Variants in XRN1 observed in about 807,000 individuals in gnomAD.
The protein encoded by XRN1 is strand-exchange protein 1 homolog.
A neutral mutation model predicts 222.3 loss-of-function variants in XRN1; 67 were observed. That is an observed-to-expected ratio of 0.30 (90% confidence interval 0.25 to 0.37). The LOEUF (loss-of-function observed/expected upper bound fraction) is 0.37. XRN1 is among the 10% of genes least tolerant of loss of function. XRN1 has a pLI of 1.00. For missense variants in XRN1, 1,707 were observed against 2,000.2 expected (o/e 0.85, Z 2.80); for synonymous variants, 643 against 652.4 (o/e 0.99, Z 0.22).
intron 37 of XRN1, among the ~76,000 whole-genome samples, chr3:142,323,817 T>C (rs1261314437): frequency 6.6e-6 from 1 of 151,962 alleles, no homozygotes; most frequent in Admixed American, 6.6e-5. Flanking sequence ...AAAATTCGAG[T>C]AATATCACTC....
intron 2 of XRN1, among the ~76,000 whole-genome samples, chr3:142,427,503 T>C (rs983160154): frequency 6.6e-6 from 1 of 152,214 alleles, no homozygotes; most frequent in Non-Finnish European, 1.5e-5. Flanking sequence ...CTACATCTAA[T>C]GATAATGACA....
At position 142,432,824 on chromosome 3, in the gene XRN1, C is replaced by A; in HGVS notation, c.145G>T (p.Asp49Tyr). 6.2e-7 allele frequency: 1 copy of A among 1,613,924 alleles called. No individual in the cohort carries two copies. Among genetic ancestry groups the A allele is most frequent in the South Asian group, 1.1e-5 (1 of 91,066 alleles). Residue 49 changes from aspartate (D) to tyrosine (Y), a missense_variant, in exon 2 of 41, where the codon GAT becomes TAT. Physicochemically the swap from Asp to Tyr is radical, Grantham distance 160. Around this residue, in one of 2 missense-constraint regions of XRN1, gnomAD observed 1,234 missense variants for 1,518.2 expected, o/e 0.81. Coordinates refer to ENST00000392981, the MANE Select transcript of XRN1 (RefSeq NM_001282857.2). Reference protein sequence around the residue: ...IIHQCSHPNDDDVHFRISDDK... With the variant: ...IIHQCSHPNDYDVHFRISDDK... ...TCTGAAATTCTAAAGTGAACATCATCATCATTAGGATGGGAGCACTGATGT... is the reference window on the plus strand; with the variant it reads ...TCTGAAATTCTAAAGTGAACATCATAATCATTAGGATGGGAGCACTGATGT...
chr3:142,418,276 C>T, intron 12 of XRN1: 1 of 421,144 alleles, frequency 2.4e-6, no homozygotes, highest in Non-Finnish European at 4.1e-6. Flanking sequence ...TAACAAAAAT[C>T]CTTATACATA....
intron 37 of XRN1, among the ~76,000 whole-genome samples, chr3:142,327,611 T>C (rs1409213139): frequency 6.6e-6 from 1 of 152,134 alleles, no homozygotes; most frequent in East Asian, 1.9e-4. Flanking sequence ...CCCCAATCTT[T>C]ATCATTTCTT....
In XRN1 at chr3:142,431,907, TATATA is replaced by T. The variant is rs1198221516; in HGVS notation, c.308+749_308+753del. On this transcript the variant is annotated intron_variant, in intron 2 of 40. Coordinates refer to ENST00000392981, the MANE Select transcript of XRN1 (RefSeq NM_001282857.2). ...TATTATATATAATATATATATTATA[TATATA>T]AATATATATAATATAATATATTGTA... 6.9e-3 allele frequency among the ~76,000 whole-genome samples: 320 copies of T among 46,138 alleles called. 10 individuals carry two copies. The highest frequency in any genetic ancestry group is 0.041 in the African/African-American group (310 of 7,650). 30.3% of individuals were successfully genotyped at this position (46,138 alleles called of 152,430 possible). A position where few individuals can be genotyped will look rare whatever the true frequency, so the allele number is the denominator to read the frequency against.
rs1560282016 is a variant in XRN1 at position 142,318,573 on chromosome 3, TA to T, written c.4621+18del. 1 of 1,570,862 alleles carries T rather than the reference TA, an allele frequency of 6.4e-7. No homozygotes were observed. ...ATAACAACTCAATGACAAATACTTA[TA>T]AATGAAAAATATCTTACCAGTAGGT... is the stretch of plus-strand genomic sequence containing the variant. On this transcript the variant is annotated intron_variant, in intron 39 of 40. Coordinates refer to ENST00000392981, the MANE Select transcript of XRN1 (RefSeq NM_001282857.2).
At chr3:142,351,422 T>C (rs2066302253) in intron 32 of XRN1, among the ~76,000 whole-genome samples, 1 of 152,132 alleles carries the variant, frequency 6.6e-6, no homozygotes, top group Non-Finnish European at 1.5e-5. Context: ...TGAGACTTGA[T>C]CACACGGTTT....
At position 142,307,453 on chromosome 3, in the gene XRN1, G is replaced by C. The variant is rs1030334852; in HGVS notation, c.*4058C>G. ...ATAGTCTCCTTCACAAATTGCACTT[G>C]AGATGGCTGAATGCATTGATTGAGC... On this transcript the variant is annotated 3_prime_UTR_variant, in exon 41 of 41. Coordinates refer to ENST00000392981, the MANE Select transcript of XRN1 (RefSeq NM_001282857.2). 3 of 152,124 alleles carry C rather than the reference G, an allele frequency of 2.0e-5. No individual in the cohort carries two copies. The highest frequency in any genetic ancestry group is 7.2e-5 in the African/African-American group (3 of 41,422). 9.4% of individuals were successfully genotyped at this position (152,124 alleles called of 1,614,324 possible).
At position 142,422,884 on chromosome 3, in the gene XRN1, T is replaced by C. The variant is rs1376844320; in HGVS notation, c.749A>G (p.His250Arg). ...APEETTFHLL[H>R]LSLMREYIDY... ...AATATACTCTCTCATTAAAGACAAG[T>C]GTAGAAGGTGAAATGTAGTTTCTTC... The change falls in exon 7 of 41, where the codon CAC becomes CGC. Residue 250 changes from histidine (H) to arginine (R), a missense_variant. By Grantham distance (29) the His-to-Arg change is conservative. Around this residue, in one of 2 missense-constraint regions of XRN1, gnomAD observed 1,234 missense variants for 1,518.2 expected, o/e 0.81. Transcript: ENST00000392981. 6.2e-6 allele frequency: 10 copies of C among 1,612,462 alleles called. No individual in the cohort carries two copies. The highest frequency in any genetic ancestry group is 8.5e-6 in the Non-Finnish European group (10 of 1,178,986).
At chr3:142,316,214 CTTTTT>C (rs377522108) in intron 39 of XRN1, among the ~76,000 whole-genome samples, 1 of 111,842 alleles carries the variant, frequency 8.9e-6, no homozygotes, top group Non-Finnish European at 1.9e-5. Flanking sequence ...TCATTATCTT[CTTTTT>C]TTTTTTTTTT....
In XRN1 at chr3:142,423,510, A is replaced by G. The variant is rs751464496; in HGVS notation, c.710+50T>C. The G allele has an allele frequency of 2.8e-6, 4 of 1,434,602 alleles. No individual in the cohort carries two copies. The South Asian group carries it at 5.3e-5, about 19-fold the overall frequency. The allele number at this position is 1,434,602 out of a possible 1,614,324, so 88.9% of individuals were successfully genotyped here. On this transcript the variant is annotated intron_variant, in intron 6 of 40. Coordinates refer to ENST00000392981, the MANE Select transcript of XRN1 (RefSeq NM_001282857.2). ...ACAAACATGTATCTGTTAAAGAATT[A>G]CTATCCAGGCGTAATTTCTTTCTTC...
At chr3:142,368,154 A>G (rs2066877486) in intron 27 of XRN1, among the ~76,000 whole-genome samples, 1 of 151,428 alleles carries the variant, frequency 6.6e-6, no homozygotes, top group Non-Finnish European at 1.5e-5. Context: ...TTTAACACAT[A>G]TATATATAAA....
At chr3:142,395,724 T>G (rs1320758389) in intron 20 of XRN1, among the ~76,000 whole-genome samples, 2 of 152,240 alleles carry the variant, frequency 1.3e-5, no homozygotes, top group Non-Finnish European at 2.9e-5. Flanking sequence ...TACCTTGTTC[T>G]TGAAATAATC....
chr3:142,420,911 T>G, intron 10 of XRN1, 105 bp downstream of exon 10: 1 of 1,458,062 alleles, frequency 6.9e-7, no homozygotes, highest in Non-Finnish European at 9.4e-7. Flanking sequence ...GGAAGAGAAA[T>G]AAAACGAGGC....
At chr3:142,397,888 T>C (rs1430237402) in intron 19 of XRN1, among the ~76,000 whole-genome samples, 7 of 152,178 alleles carry the variant, frequency 4.6e-5, no homozygotes, top group Admixed American at 4.6e-4. Context: ...AAATTACATG[T>C]CATATACATG....
At chr3:142,328,290 C>G (rs892748227) in intron 37 of XRN1, among the ~76,000 whole-genome samples, 1 of 152,078 alleles carries the variant, frequency 6.6e-6, no homozygotes, top group Non-Finnish European at 1.5e-5. Flanking sequence ...ATCTTCCCTC[C>G]TAGTACTACT....
rs1487751793 is a variant in XRN1 at position 142,426,914 on chromosome 3, T to G, written c.309-73A>C. ...GAAGATCTTTATATAAACTGCTATG[T>G]AGGTGCCTTTATAACTAAAATAGTA... On this transcript the variant is annotated intron_variant, in intron 2 of 40. Coordinates refer to ENST00000392981, the MANE Select transcript of XRN1 (RefSeq NM_001282857.2). 9 of 1,128,324 alleles carry G rather than the reference T, an allele frequency of 8.0e-6. No homozygotes were observed. In the East Asian group the frequency reaches 1.4e-4, roughly 18 times the overall value. 69.9% of individuals were successfully genotyped at this position (1,128,324 alleles called of 1,614,324 possible). A position where few individuals can be genotyped will look rare whatever the true frequency, so the allele number is the denominator to read the frequency against.
chr3:142,316,728 T>C (rs2065220024), intron 39 of XRN1, among the ~76,000 whole-genome samples: 2 of 152,182 alleles, frequency 1.3e-5, no homozygotes, highest in Admixed American at 1.3e-4. Context: ...AATTTTCTTT[T>C]AAACTACTGC....
chr3:142,404,966 C>G lies in XRN1; in HGVS notation c.1824G>C (p.Glu608Asp). Residue 608 changes from glutamate (E) to aspartate (D), a missense_variant, in exon 16 of 41, where the codon GAG becomes GAC. By Grantham distance (45) the Glu-to-Asp change is conservative. Around this residue, in one of 2 missense-constraint regions of XRN1, gnomAD observed 1,234 missense variants for 1,518.2 expected, o/e 0.81. Transcript: ENST00000392981. The stretch of plus-strand genomic sequence containing the variant: ...CTGGCCATGGAGAAGGATAGATAAA[C>G]TCTGTGTCTCTATCATACCAGCACA... ...CLMCWYDRDT[E>D]FIYPSPWPEK... is the part of the protein sequence containing the mutation. 1.9e-6 allele frequency: 3 copies of G among 1,614,016 alleles called. No homozygotes were observed. The highest frequency in any genetic ancestry group is 1.7e-6 in the Non-Finnish European group (2 of 1,179,942).
Sources: allele counts gnomAD v4.1 joint callset (sites outside exome capture counted in the v4.1 genomes callset), GRCh38; gene constraint gnomAD v4.1.1; regional missense constraint gnomAD v4.1.1; transcripts MANE v1.5; gene names NCBI Gene and HGNC (gene_info 2026-07-23, HGNC 2026-07-21).